Variants in UROC1 observed in about 807,000 individuals in gnomAD.
UROC1 encodes urocanate hydratase.
A neutral mutation model predicts 89.5 loss-of-function variants in UROC1; 79 were observed. That is an observed-to-expected ratio of 0.88 (90% CI 0.74 to 1.06). The LOEUF is 1.06. UROC1 is among the 50% of genes least tolerant of loss of function. UROC1 has a pLI of 0.00. For synonymous variants in UROC1, 361 were observed against 354.8 expected, an observed-to-expected ratio of 1.02 and a Z score of -0.20; for missense variants, 885 against 907.8, an observed-to-expected ratio of 0.97 and a Z score of 0.32.
Position 126,496,079 on chromosome 3 carries a change from C to A in UROC1, c.1468G>T (p.Asp490Tyr). Reference protein sequence around the residue: ...VKVSVKLQYMDNIRWIREAAR... With the variant: ...VKVSVKLQYMYNIRWIREAAR... ...GCCTCCCGGATCCAGCGGATGTTGT[C>A]CATGTACTGCAGCTTCACAGACACC... The change falls in exon 15 of 20, where the codon GAC becomes TAC. Residue 490 changes from aspartate to tyrosine, a missense_variant. Transcript: ENST00000290868. The A allele has an allele frequency of 6.2e-7, 1 of 1,613,432 alleles. No individual in the cohort carries two copies. Among genetic ancestry groups the A allele is most frequent in the Non-Finnish European group, 8.5e-7 (1 of 1,180,008 alleles).
intron 15 of UROC1, among the ~76,000 whole-genome samples, chr3:126,493,651 A>T (rs1935707181): frequency 1.3e-5 from 2 of 152,196 alleles, no homozygotes; most frequent in African/African-American, 4.8e-5. Context: ...TCTGAGATGG[A>T]TGGTGGTGAT....
At chr3:126,496,236 G>GCCCACCCCAC in intron 14 of UROC1, 128 bp from the exon 15 acceptor site, 1 of 886,054 alleles carries the variant, frequency 1.1e-6, no homozygotes, top group East Asian at 2.7e-5. Flanking sequence ...AGGTGAGGGA[G>GCCCACCCCAC]CCCACCCCAC....
intron 1 of UROC1, among the ~76,000 whole-genome samples, chr3:126,511,599 A>G (rs1278882895): frequency 1.3e-5 from 2 of 152,254 alleles, no homozygotes; most frequent in African/African-American, 2.4e-5. Context: ...AGATAATTAC[A>G]TAGCTCAAAA....
In UROC1 at chr3:126,500,150, T is replaced by C; in HGVS notation, c.1150A>G (p.Arg384Gly). 1 of 1,613,582 alleles carries C rather than the reference T, an allele frequency of 6.2e-7. No homozygotes were observed. Among genetic ancestry groups the C allele is most frequent in the Non-Finnish European group, 8.5e-7 (1 of 1,179,964 alleles). ...CTGTTGATGGCTGAGACTTGCCTCC[T>C]CAGGCTGCAACAAGCCATGGGTCAG... ...VFKDLVQESL[R>G]RQVSAINRLA... The change falls in exon 12 of 20, where the codon AGG (arginine) becomes GGG (glycine). Residue 384 changes from arginine (R) to glycine (G), a missense_variant. Physicochemically the swap from Arg to Gly is moderately radical, Grantham distance 125. Transcript: ENST00000290868.
intron 9 of UROC1, 140 bp downstream of exon 9, chr3:126,503,855 A>T: frequency 3.4e-6 from 3 of 876,574 alleles, no homozygotes; most frequent in Non-Finnish European, 5.7e-6. Flanking sequence ...GTACATGTGC[A>T]TGTATGTGTG....
At chr3:126,511,012 C>T (rs571785821) in intron 1 of UROC1, among the ~76,000 whole-genome samples, 64 of 152,244 alleles carry the variant, frequency 4.2e-4, no homozygotes, top group Admixed American at 1.7e-3. Flanking sequence ...TTCATGAAGG[C>T]AGACTGATCC....
rs1031454616 is a variant in UROC1, at chr3:126,511,140, A to G, written c.127-346T>C. Among the ~76,000 whole-genome samples the G allele has an allele frequency of 2.6e-5, 4 of 152,156 alleles. No individual in the cohort carries two copies. In the South Asian group the frequency reaches 8.3e-4, roughly 32 times the overall value. ...TTGTGGCTATGGTGTAGAATGCAGAAGCTCCAGGGTGGAAAGTAGACCCCA... is the reference window on the plus strand; with the variant it reads ...TTGTGGCTATGGTGTAGAATGCAGAGGCTCCAGGGTGGAAAGTAGACCCCA... On this transcript the variant is annotated intron_variant, in intron 1 of 19. Transcript: ENST00000290868.
rs112099426 is a variant in UROC1 at position 126,489,809 on chromosome 3, G to A, written c.1609-434C>T. Among the ~76,000 whole-genome samples, 544 of 152,300 alleles carry A rather than the reference G, an allele frequency of 3.6e-3. 2 individuals are homozygous for A. Among genetic ancestry groups the A allele is most frequent in the South Asian group, 0.013 (65 of 4,824 alleles). On this transcript the variant is annotated intron_variant, in intron 16 of 19. Coordinates refer to ENST00000290868, the MANE Select transcript of UROC1 (RefSeq NM_144639.3). ...GCCCACTGTACCCTAAGTAAAAAAC[G>A]ACTTAAGAGTATTTTTAACTTACGA...
At chr3:126,489,732 A>G (rs568941474) in intron 16 of UROC1, among the ~76,000 whole-genome samples, 57 of 152,318 alleles carry the variant, frequency 3.7e-4, no homozygotes, top group African/African-American at 1.3e-3. Context: ...TTAACCCCAC[A>G]CGTGTTATAT....
chr3:126,488,129 G>C (rs751987244), intron 18 of UROC1, 69 bp downstream of exon 18: 416 of 1,559,246 alleles, frequency 2.7e-4, no homozygotes, highest in Non-Finnish European at 3.6e-4. Context: ...ACCTCAGCCT[G>C]GCCCTGCCCC....
chr3:126,501,015 T>A, intron 10 of UROC1, 141 bp from the exon 11 acceptor site: 2 of 1,355,966 alleles, frequency 1.5e-6, no homozygotes, highest in South Asian at 1.2e-5. Context: ...GCTTTCCCCC[T>A]GGAAAGAGAA....
intron 18 of UROC1, among the ~76,000 whole-genome samples, chr3:126,486,497 C>T (rs145684562): frequency 3.9e-4 from 59 of 152,340 alleles, no homozygotes; most frequent in Admixed American, 1.4e-3. Context: ...CCTGTTTAAA[C>T]GTGAGCGCTG....
At chr3:126,485,510 A>G (rs1935494787) in intron 18 of UROC1, among the ~76,000 whole-genome samples, 1 of 152,018 alleles carries the variant, frequency 6.6e-6, no homozygotes, top group African/African-American at 2.4e-5. Context: ...GGGGCAGAGG[A>G]TCAGCGTCAC....
intron 10 of UROC1, 50 bp downstream of exon 10, chr3:126,501,168 G>T: frequency 6.3e-7 from 1 of 1,599,442 alleles, no homozygotes; most frequent in Non-Finnish European, 8.6e-7. Context: ...TTGCTCAGGG[G>T]GCCCCATCTG....
chr3:126,489,850 G>A (rs1271277001), intron 16 of UROC1, among the ~76,000 whole-genome samples: 4 of 152,278 alleles, frequency 2.6e-5, no homozygotes, highest in Middle Eastern at 3.4e-3. Flanking sequence ...TCATTTGGAC[G>A]CAACCCCATT....
rs1935676655 is a variant in UROC1 at position 126,492,430 on chromosome 3, G to A, written c.1596C>T (p.Cys532=). The part of the protein sequence containing the change: ...IAVAINQAIA[C]RRIKAPVVLS... ...CAGGACACCTCACCTTGATCCTCCT[G>A]CAGGCGATGGCCTGGTTAATGGCCA... The change falls in exon 16 of 20, where the codon TGC becomes TGT. Residue 532 remains cysteine (C), a synonymous_variant. Transcript: ENST00000290868. 8 of 1,613,388 alleles carry A rather than the reference G, an allele frequency of 5.0e-6. No homozygotes were observed. The highest frequency in any genetic ancestry group is 5.9e-6 in the Non-Finnish European group (7 of 1,179,886).
At chr3:126,482,579 AC>A (rs1391884301) in intron 19 of UROC1, 94 bp from the exon 20 acceptor site, 5 of 1,588,466 alleles carry the variant, frequency 3.1e-6, no homozygotes, top group African/African-American at 2.7e-5. Flanking sequence ...CTGCTTCGGG[AC>A]CTCTGAGGCT....
At chr3:126,507,882 G>A (rs939972572) in intron 5 of UROC1, 79 bp from the exon 6 acceptor site, 34 of 1,612,516 alleles carry the variant, frequency 2.1e-5, no homozygotes, top group Middle Eastern at 1.7e-4. Flanking sequence ...GATGCACAGC[G>A]TTGGGGCACT....
At chr3:126,513,852 A>G (rs1280131619) in intron 1 of UROC1, among the ~76,000 whole-genome samples, 2 of 151,858 alleles carry the variant, frequency 1.3e-5, no homozygotes, top group Non-Finnish European at 2.9e-5. Flanking sequence ...GCTCCCTATT[A>G]CCCATTTCAT....
Sources: allele counts gnomAD v4.1 joint callset (sites outside exome capture counted in the v4.1 genomes callset), GRCh38; gene constraint gnomAD v4.1.1; transcripts MANE v1.5; gene names NCBI Gene and HGNC (gene_info 2026-07-23, HGNC 2026-07-21).